SFMBT2: variants seen among roughly 807,000 people sequenced by gnomAD.
The protein encoded by SFMBT2 is Scm like with four mbt domains 2.
Under a neutral mutation model 110.1 loss-of-function variants are expected in SFMBT2, and 38 were observed. The observed-to-expected ratio is 0.35, with a 90% CI of 0.27 to 0.45. SFMBT2 has a LOEUF of 0.45. SFMBT2 is among the 20% of genes least tolerant of loss of function. SFMBT2 has a pLI of 1.00. For synonymous variants in SFMBT2, 425 were observed against 425.4 expected, an observed-to-expected ratio of 1.00 and a Z score of 0.01; for missense variants, 1,011 against 1,094.9, an observed-to-expected ratio of 0.92 and a Z score of 1.08.
In SFMBT2 at chr10:7,408,308, G is replaced by A. The variant is rs545511208; in HGVS notation, c.-52+2553C>T. ...CGTGTCGCCATCGTTCAGCCTCGCT[G>A]CCCAGGTGGGAGGGGTCACCTGCCG... On this transcript the variant is annotated intron_variant, in intron 1 of 20. Coordinates refer to ENST00000397167, the MANE Select transcript of SFMBT2 (RefSeq NM_001387889.1). The surrounding 1 kb of genome is among the most constrained non-coding windows in gnomAD (Gnocchi z 5.7). Among the ~76,000 whole-genome samples the A allele has an allele frequency of 1.2e-3, 180 of 151,932 alleles. 1 individual carries two copies. Among genetic ancestry groups the A allele is most frequent in the African/African-American group, 4.2e-3 (172 of 41,442 alleles).
At chr10:7,305,073 G>A (rs1283448749) in intron 4 of SFMBT2, among the ~76,000 whole-genome samples, 1 of 152,154 alleles carries the variant, frequency 6.6e-6, no homozygotes, top group Non-Finnish European at 1.5e-5. Flanking sequence ...CATTAGTAAA[G>A]TATTAAAGTG....
At chr10:7,190,937 G>A (rs893422339) in intron 15 of SFMBT2, among the ~76,000 whole-genome samples, 1 of 152,156 alleles carries the variant, frequency 6.6e-6, no homozygotes, top group African/African-American at 2.4e-5. Context: ...ATGTTCTCGT[G>A]GTAGTGAATA....
intron 3 of SFMBT2, among the ~76,000 whole-genome samples, chr10:7,370,047 G>A (rs1845018918): frequency 6.6e-6 from 1 of 152,124 alleles, no homozygotes; most frequent in African/African-American, 2.4e-5. Context: ...TTTTTGTAGG[G>A]ATGGGATTTA....
At chr10:7,231,317 T>C (rs765412877) in intron 9 of SFMBT2, among the ~76,000 whole-genome samples, 8 of 152,068 alleles carry the variant, frequency 5.3e-5, no homozygotes, top group Non-Finnish European at 1.2e-4. Context: ...ATTTCAAGAG[T>C]GAAGAAAACT....
intron 16 of SFMBT2, among the ~76,000 whole-genome samples, chr10:7,184,684 A>AGG: frequency 6.6e-6 from 1 of 152,152 alleles, no homozygotes; most frequent in Admixed American, 6.6e-5. Context: ...CTATGGTCTA[A>AGG]GTTCCATCAT....
Position 7,323,432 on chromosome 10 carries a change from C to T in SFMBT2, c.437-37478G>A, listed in dbSNP as rs190429558. Among the ~76,000 whole-genome samples, 773 of 109,064 alleles carry T rather than the reference C, an allele frequency of 7.1e-3. 6 individuals carry two copies. Among genetic ancestry groups the T allele is most frequent in the African/African-American group, 0.026 (703 of 27,138 alleles). The allele number at this position is 109,064 out of a possible 152,430, so 71.6% of individuals were successfully genotyped here. On this transcript the variant is annotated intron_variant, in intron 4 of 20. Coordinates refer to ENST00000397167, the MANE Select transcript of SFMBT2 (RefSeq NM_001387889.1). ...TGCCACTGCACTCCATCCTGGGCAA[C>T]AGAGCAAGACTCCATCTCAAAAAAA... is the stretch of plus-strand genomic sequence containing the variant.
chr10:7,366,644 AC>A (rs1462145415), intron 4 of SFMBT2, among the ~76,000 whole-genome samples: 1 of 152,256 alleles, frequency 6.6e-6, no homozygotes, highest in Non-Finnish European at 1.5e-5. Flanking sequence ...CCATTATCAT[AC>A]AATAAAACAT....
At chr10:7,291,774 A>G (rs1842267329) in intron 4 of SFMBT2, among the ~76,000 whole-genome samples, 1 of 152,174 alleles carries the variant, frequency 6.6e-6, no homozygotes, top group Non-Finnish European at 1.5e-5. Flanking sequence ...AATTCAGTCC[A>G]TTTCTTCAGA....
At chr10:7,200,260 T>TA (rs1407303740) in intron 14 of SFMBT2, among the ~76,000 whole-genome samples, 154 bp downstream of exon 14, 1 of 152,176 alleles carries the variant, frequency 6.6e-6, no homozygotes, top group Non-Finnish European at 1.5e-5. Context: ...TTTTTCTTTT[T>TA]AAAAAGTAGG....
rs1837856002 is a variant in SFMBT2 at position 7,170,915 on chromosome 10, G to A, written c.2544+13C>T. ...CAGCACATCAAACAATCGACACGCG[G>A]CAACCACCGTACCTGCTCCTGAAAT... On this transcript the variant is annotated intron_variant, in intron 20 of 20. Coordinates refer to ENST00000397167, the MANE Select transcript of SFMBT2 (RefSeq NM_001387889.1). This position sits in a 1 kb window ranked among gnomAD's most constrained non-coding sequence, Gnocchi z 4.6. 6.2e-7 allele frequency: 1 copy of A among 1,614,038 alleles called. No individual in the cohort carries two copies. The highest frequency in any genetic ancestry group is 8.5e-7 in the Non-Finnish European group (1 of 1,179,948).
At chr10:7,337,424 C>A (rs1040351799) in intron 4 of SFMBT2, among the ~76,000 whole-genome samples, 1 of 152,208 alleles carries the variant, frequency 6.6e-6, no homozygotes, top group Non-Finnish European at 1.5e-5. Context: ...TGAGAAGTGA[C>A]TGGATCGTGC....
chr10:7,260,185 C>T (rs571945266), intron 7 of SFMBT2, among the ~76,000 whole-genome samples: 12 of 152,272 alleles, frequency 7.9e-5, no homozygotes, highest in Non-Finnish European at 1.3e-4. Context: ...GACAAGCAGA[C>T]CAGTCACCTG....
At chr10:7,407,352 T>C (rs1014317315) in intron 1 of SFMBT2, among the ~76,000 whole-genome samples, 2 of 152,004 alleles carry the variant, frequency 1.3e-5, no homozygotes, top group African/African-American at 4.8e-5. Flanking sequence ...GACACGCTAG[T>C]AGGTCTCCCA....
Position 7,201,429 on chromosome 10 carries a change from G to A in SFMBT2, c.1488-945C>T, listed in dbSNP as rs75299541. ...GAGTGATGGATTCAAGTTTGGATTC[G>A]GTCACAGGCGTGTTATGAAATCTCT... On this transcript the variant is annotated intron_variant, in intron 13 of 20. Coordinates refer to ENST00000397167, the MANE Select transcript of SFMBT2 (RefSeq NM_001387889.1). Among the ~76,000 whole-genome samples the A allele has an allele frequency of 4.6e-3, 705 of 152,280 alleles. 7 individuals are homozygous for A. Among genetic ancestry groups the A allele is most frequent in the African/African-American group, 0.015 (638 of 41,550 alleles).
intron 4 of SFMBT2, among the ~76,000 whole-genome samples, chr10:7,349,440 CTT>C (rs369479041): frequency 0.053 from 2,504 of 46,966 alleles, 50 homozygotes; most frequent in Non-Finnish European, 0.073. Context: ...CTTTTCTTTT[CTT>C]TTTTTTTTTT....
intron 7 of SFMBT2, among the ~76,000 whole-genome samples, chr10:7,276,134 G>A (rs376752803): frequency 2.0e-5 from 3 of 152,300 alleles, no homozygotes; most frequent in South Asian, 4.1e-4. Flanking sequence ...TAAAGAACTT[G>A]GTAGCCGTTT....
At chr10:7,338,699 A>T (rs1210723676) in intron 4 of SFMBT2, among the ~76,000 whole-genome samples, 1 of 152,132 alleles carries the variant, frequency 6.6e-6, no homozygotes, top group Non-Finnish European at 1.5e-5. Context: ...CGTATAAATG[A>T]CTCACGTAGT....
chr10:7,184,484 C>CT (rs1004473172), intron 16 of SFMBT2, among the ~76,000 whole-genome samples: 33 of 152,094 alleles, frequency 2.2e-4, no homozygotes, highest in Admixed American at 1.4e-3. Context: ...TCCATTTAAC[C>CT]TTTTTTTCCT....
chr10:7,244,455 T>C (rs1253945811), intron 8 of SFMBT2, among the ~76,000 whole-genome samples: 3 of 152,250 alleles, frequency 2.0e-5, no homozygotes, highest in African/African-American at 7.2e-5. Context: ...AGGAGAGTGA[T>C]GTCTTTTTGT....
Sources: gnomAD v4.1 joint callset for allele counts (sites outside exome capture counted in the v4.1 genomes callset) on GRCh38, gnomAD v4.1.1 for gene constraint, Gnocchi (gnomAD v3.1) non-coding constraint, MANE v1.5 for transcripts, NCBI Gene and HGNC (gene_info 2026-07-23, HGNC 2026-07-21) for gene names.